Variants in PPFIA2 observed in about 807,000 individuals in gnomAD.
PPFIA2 encodes liprin-alpha-2.
PPFIA2 carries 46 observed loss-of-function variants against 175.5 expected under a neutral mutation model. That is an observed-to-expected ratio of 0.26 (90% CI 0.21 to 0.34). The LOEUF is 0.34. Ranked by LOEUF, PPFIA2 falls within the 10% of genes least tolerant of loss-of-function variation. The pLI, the probability that PPFIA2 is intolerant of heterozygous loss-of-function variation, is 1.00. For synonymous variants in PPFIA2, 568 were observed against 511.4 expected (o/e 1.11, Z -1.49); for missense variants, 1,179 against 1,506.1 (o/e 0.78, Z 3.60).
intron 3 of PPFIA2, among the ~76,000 whole-genome samples, chr12:81,708,187 A>T (rs1303447558): frequency 1.3e-5 from 2 of 152,136 alleles, no homozygotes; most frequent in East Asian, 3.9e-4. Context: ...AAAAAACAAA[A>T]AAAATGGAAA....
chr12:81,364,957 T>C (rs975809877), intron 14 of PPFIA2, among the ~76,000 whole-genome samples: 46 of 151,622 alleles, frequency 3.0e-4, no homozygotes, highest in African/African-American at 1.1e-3. Flanking sequence ...GGGAGTGGGG[T>C]GAGAATAGAC....
At chr12:81,359,560 A>G (rs1409893457) in intron 15 of PPFIA2, among the ~76,000 whole-genome samples, 1 of 151,896 alleles carries the variant, frequency 6.6e-6, no homozygotes, top group Middle Eastern at 3.2e-3. Flanking sequence ...TCACCTTCCT[A>G]TGTCCAGGAA....
intron 3 of PPFIA2, among the ~76,000 whole-genome samples, chr12:81,752,483 T>G (rs1447454072): frequency 6.6e-6 from 1 of 152,194 alleles, no homozygotes; most frequent in East Asian, 1.9e-4. Context: ...AAACATTTTG[T>G]GTGATGACAC....
intron 4 of PPFIA2, among the ~76,000 whole-genome samples, chr12:81,674,530 T>C (rs748775329): frequency 2.6e-5 from 4 of 152,036 alleles, no homozygotes; most frequent in Non-Finnish European, 4.4e-5. Context: ...TAGTTGGGCA[T>C]GCTGGCGCAT....
chr12:81,466,153 T>C (rs987038517), intron 4 of PPFIA2, among the ~76,000 whole-genome samples: 1 of 152,114 alleles, frequency 6.6e-6, no homozygotes, highest in Non-Finnish European at 1.5e-5. Context: ...ACAAAAATCA[T>C]TGGGTAAGAT....
intron 7 of PPFIA2, among the ~76,000 whole-genome samples, chr12:81,414,675 C>G (rs1292851375): frequency 6.6e-6 from 1 of 151,512 alleles, no homozygotes; most frequent in East Asian, 1.9e-4. Flanking sequence ...TCTCACTACA[C>G]CAACACATAA....
chr12:81,667,753 T>C (rs2070626343), intron 4 of PPFIA2, among the ~76,000 whole-genome samples: 1 of 152,026 alleles, frequency 6.6e-6, no homozygotes, highest in Non-Finnish European at 1.5e-5. Flanking sequence ...TCATTGTGGA[T>C]ATCCAGACCA....
chr12:81,565,449 A>G (rs559368683), intron 4 of PPFIA2, among the ~76,000 whole-genome samples: 196 of 152,128 alleles, frequency 1.3e-3, no homozygotes, highest in Non-Finnish European at 2.3e-3. Flanking sequence ...CTATTGTGGG[A>G]CCTTGTGATC....
intron 24 of PPFIA2, among the ~76,000 whole-genome samples, chr12:81,289,385 CTTAT>C (rs1046973799): frequency 2.6e-5 from 4 of 151,782 alleles, no homozygotes; most frequent in African/African-American, 7.2e-5. Context: ...TTGTTTAAAA[CTTAT>C]TTATTTCCAC....
At chr12:81,443,299 A>G (rs1796514878) in intron 6 of PPFIA2, among the ~76,000 whole-genome samples, 1 of 152,006 alleles carries the variant, frequency 6.6e-6, no homozygotes, top group Non-Finnish European at 1.5e-5. Flanking sequence ...ACTTATCCAG[A>G]TCTGTCTGAC....
chr12:81,634,796 CCTTG>C (rs1367883278), intron 4 of PPFIA2, among the ~76,000 whole-genome samples: 12 of 151,902 alleles, frequency 7.9e-5, no homozygotes, highest in African/African-American at 2.9e-4. Flanking sequence ...ACATTTTCAC[CCTTG>C]CTTGTTTTTT....
intron 9 of PPFIA2, among the ~76,000 whole-genome samples, chr12:81,379,762 T>C (rs1566558101): frequency 6.6e-6 from 1 of 152,210 alleles, no homozygotes; most frequent in East Asian, 1.9e-4. Context: ...AAATTTTGGA[T>C]AATTTCTTTT....
intron 4 of PPFIA2, among the ~76,000 whole-genome samples, chr12:81,468,039 C>G (rs2056033537): frequency 6.6e-6 from 1 of 152,170 alleles, no homozygotes; most frequent in Non-Finnish European, 1.5e-5. Context: ...TGAAGTTACT[C>G]ACTCCAAGTT....
At chr12:81,665,435 G>C (rs2069988131) in intron 4 of PPFIA2, among the ~76,000 whole-genome samples, 1 of 151,916 alleles carries the variant, frequency 6.6e-6, no homozygotes, top group South Asian at 2.1e-4. Context: ...AGGTCTTTCA[G>C]GTGTTAGTCT....
At chr12:81,498,501 A>G (rs2060257387) in intron 4 of PPFIA2, among the ~76,000 whole-genome samples, 1 of 152,154 alleles carries the variant, frequency 6.6e-6, no homozygotes, top group Non-Finnish European at 1.5e-5. Context: ...TTTCATGATT[A>G]CTCATGATTA....
chr12:81,615,422 T>C (rs569193680), intron 4 of PPFIA2, among the ~76,000 whole-genome samples: 1 of 152,178 alleles, frequency 6.6e-6, no homozygotes, highest in South Asian at 2.1e-4. Flanking sequence ...CGAAATGAGG[T>C]CATCAAGAAA....
At chr12:81,439,403 A>G (rs1213565787) in intron 7 of PPFIA2, among the ~76,000 whole-genome samples, 4 of 151,890 alleles carry the variant, frequency 2.6e-5, no homozygotes, top group Admixed American at 2.0e-4. Flanking sequence ...TAATTATCCA[A>G]GATAATTTGT....
At chr12:81,698,821 T>C (rs2076181516) in intron 3 of PPFIA2, among the ~76,000 whole-genome samples, 1 of 152,098 alleles carries the variant, frequency 6.6e-6, no homozygotes. Flanking sequence ...AAAAGGTTCA[T>C]TGATTTTTCT....
intron 8 of PPFIA2, among the ~76,000 whole-genome samples, chr12:81,386,152 C>T (rs2038893573): frequency 6.6e-6 from 1 of 151,292 alleles, no homozygotes; most frequent in African/African-American, 2.4e-5. Flanking sequence ...GTGGCATGCA[C>T]CTGTAGTGCT....
Sources: gnomAD v4.1 joint callset for allele counts (sites outside exome capture counted in the v4.1 genomes callset) on GRCh38, gnomAD v4.1.1 for gene constraint, MANE v1.5 for transcripts, NCBI Gene and HGNC (gene_info 2026-07-23, HGNC 2026-07-21) for gene names.